Variants in PTGER4 observed in about 807,000 individuals in gnomAD.
PTGER4 encodes prostaglandin E receptor 4.
In PTGER4, 11 loss-of-function variants were observed where a neutral mutation model predicts 33.2. The ratio of observed to expected loss-of-function variants is 0.33; its 90% confidence interval spans 0.21 to 0.55. The LOEUF (loss-of-function observed/expected upper bound fraction) is 0.55. Ranked by LOEUF, PTGER4 falls within the 20% of genes least tolerant of loss-of-function variation. PTGER4 has a pLI of 0.92. For missense variants in PTGER4, 481 were observed against 650.2 expected, an observed-to-expected ratio of 0.74 and a Z score of 2.83; for synonymous variants, 275 against 281.5, an observed-to-expected ratio of 0.98 and a Z score of 0.23.
intron 2 of PTGER4, among the ~76,000 whole-genome samples, chr5:40,689,571 C>G (rs1741417220): frequency 6.6e-6 from 1 of 152,108 alleles, no homozygotes; most frequent in Non-Finnish European, 1.5e-5. Flanking sequence ...GCCAAAGGAA[C>G]ACATGCAAAT....
At chr5:40,717,720 T>C in the PTGER4 span, among the ~76,000 whole-genome samples, 5 of 152,232 alleles carry the variant, frequency 3.3e-5, no homozygotes, top group African/African-American at 1.2e-4. Flanking sequence ...TCTCTGAGTA[T>C]ACTTAGTCTC....
chr5:40,734,881 G>A, the PTGER4 span, among the ~76,000 whole-genome samples: 2 of 152,176 alleles, frequency 1.3e-5, no homozygotes, highest in African/African-American at 4.8e-5. Flanking sequence ...TATAAGTGCC[G>A]TGATAAAAGA....
the PTGER4 span, among the ~76,000 whole-genome samples, chr5:40,738,007 G>T: frequency 6.6e-6 from 1 of 152,090 alleles, no homozygotes; most frequent in Admixed American, 6.6e-5. Flanking sequence ...TAATAAAGCT[G>T]CTAGAGACAT....
chr5:40,697,271 AAAG>A (rs1200771698), downstream of PTGER4, among the ~76,000 whole-genome samples: 1 of 130,990 alleles, frequency 7.6e-6, no homozygotes, highest in African/African-American at 2.5e-5. Context: ...AGAAAGAAAG[AAAG>A]AAAGAAAGAA....
the PTGER4 span, among the ~76,000 whole-genome samples, chr5:40,741,476 C>T: frequency 6.6e-6 from 1 of 152,218 alleles, no homozygotes; most frequent in Non-Finnish European, 1.5e-5. Context: ...CCAATAGTTG[C>T]ATGGCCTAAT....
the PTGER4 span, among the ~76,000 whole-genome samples, chr5:40,724,808 A>G: frequency 6.6e-5 from 10 of 152,106 alleles, no homozygotes; most frequent in Admixed American, 5.2e-4. Flanking sequence ...AGCTTGACTC[A>G]AACAATGTCT....
At position 40,683,062 on chromosome 5, in the gene PTGER4, T is replaced by C. The variant is rs1302933489; in HGVS notation, c.867+1202T>C. Among the ~76,000 whole-genome samples, 1 of 152,240 alleles carries C rather than the reference T, an allele frequency of 6.6e-6. No individual in the cohort carries two copies. The highest frequency in any genetic ancestry group is 6.5e-5 in the Admixed American group (1 of 15,282). On this transcript the variant is annotated intron_variant, in intron 2 of 2. Transcript: ENST00000302472. The surrounding 1 kb of genome is among the most constrained non-coding windows in gnomAD (Gnocchi z 4.2). ...AGTTTCTCTTGAAAGCAACTAGTTA[T>C]GAGTTCTTCCATCTTCCAAAACACT... is the stretch of plus-strand genomic sequence containing the variant.
At chr5:40,737,042 T>C in the PTGER4 span, among the ~76,000 whole-genome samples, 2 of 152,144 alleles carry the variant, frequency 1.3e-5, no homozygotes, top group African/African-American at 2.4e-5. Context: ...AGGCCTGTAA[T>C]CCCAGCACTT....
the PTGER4 span, among the ~76,000 whole-genome samples, chr5:40,701,330 C>T: frequency 6.6e-6 from 1 of 152,018 alleles, no homozygotes; most frequent in Non-Finnish European, 1.5e-5. Flanking sequence ...GGTATCAAAA[C>T]GAACCTAACA....
chr5:40,733,636 C>A, the PTGER4 span, among the ~76,000 whole-genome samples: 1 of 152,180 alleles, frequency 6.6e-6, no homozygotes, highest in South Asian at 2.1e-4. Context: ...CTTGGAGGAA[C>A]TAGTGGCAGA....
chr5:40,685,716 C>G (rs529522543), intron 2 of PTGER4, among the ~76,000 whole-genome samples: 1 of 152,160 alleles, frequency 6.6e-6, no homozygotes, highest in East Asian at 1.9e-4. Flanking sequence ...TATTTTCACT[C>G]TCTCTACACC....
chr5:40,727,714 T>C, the PTGER4 span, among the ~76,000 whole-genome samples: 1 of 152,178 alleles, frequency 6.6e-6, no homozygotes, highest in African/African-American at 2.4e-5. Flanking sequence ...AATGTAATGA[T>C]CCAAAGAACT....
the PTGER4 span, among the ~76,000 whole-genome samples, chr5:40,706,583 T>G: frequency 7.1e-6 from 1 of 141,554 alleles, no homozygotes; most frequent in Admixed American, 7.6e-5. Context: ...ATCATAGGCC[T>G]AATCATAAAA....
chr5:40,726,200 T>C, the PTGER4 span, among the ~76,000 whole-genome samples: 2 of 140,140 alleles, frequency 1.4e-5, no homozygotes, highest in African/African-American at 5.6e-5. Flanking sequence ...ATGTATACCA[T>C]ATACATACAT....
At chr5:40,697,006 AAGAG>A (rs1429862577), downstream of PTGER4, among the ~76,000 whole-genome samples, 334 of 148,622 alleles carry the variant, frequency 2.2e-3, no homozygotes, top group African/African-American at 7.6e-3. Flanking sequence ...AAGGGAAAGA[AAGAG>A]AGAAAGAAAG....
At chr5:40,687,987 C>T (rs1741370995) in intron 2 of PTGER4, among the ~76,000 whole-genome samples, 1 of 152,186 alleles carries the variant, frequency 6.6e-6, no homozygotes, top group Admixed American at 6.5e-5. Flanking sequence ...CCTTGCCTCT[C>T]ATCACCTTTG....
the PTGER4 span, among the ~76,000 whole-genome samples, chr5:40,731,252 T>C: frequency 1.3e-5 from 2 of 152,116 alleles, no homozygotes; most frequent in Admixed American, 1.3e-4. Context: ...GGTTGGACTG[T>C]TTGTCCAATC....
chr5:40,744,927 T>C, the PTGER4 span, among the ~76,000 whole-genome samples: 1 of 152,268 alleles, frequency 6.6e-6, no homozygotes, highest in Non-Finnish European at 1.5e-5. Context: ...TATGATGCAG[T>C]ATAAAGCACA....
the PTGER4 span, among the ~76,000 whole-genome samples, chr5:40,731,199 C>CT: frequency 6.6e-6 from 1 of 152,182 alleles, no homozygotes; most frequent in Non-Finnish European, 1.5e-5. Context: ...TTCTGCAAGA[C>CT]TTAATAGTAG....
Sources: gnomAD v4.1 joint callset for allele counts (sites outside exome capture counted in the v4.1 genomes callset) on GRCh38, gnomAD v4.1.1 for gene constraint, Gnocchi (gnomAD v3.1) non-coding constraint, MANE v1.5 for transcripts, NCBI Gene and HGNC (gene_info 2026-07-23, HGNC 2026-07-21) for gene names.